Variants in MFSD8 observed in about 807,000 individuals in gnomAD.
MFSD8 encodes major facilitator superfamily domain-containing protein 8.
In MFSD8, 55 loss-of-function variants were observed where a neutral mutation model predicts 66.4. The ratio of observed to expected loss-of-function variants is 0.83; its 90% confidence interval spans 0.67 to 1.04. MFSD8 has a LOEUF of 1.04. MFSD8 is among the 50% of genes least tolerant of loss of function. The probability of loss-of-function intolerance (pLI) is 0.00; values close to 1 mark genes in which losing one functional copy is unlikely to be tolerated. For missense variants in MFSD8, 550 were observed against 627.6 expected (o/e 0.88, Z 1.32); for synonymous variants, 202 against 212.8 (o/e 0.95, Z 0.44).
rs796052749 is a variant in MFSD8 at position 127,943,900 on chromosome 4, C to T, written c.291G>A (p.Trp97Ter). 1 of 1,613,972 alleles carries T rather than the reference C, an allele frequency of 6.2e-7. No individual in the cohort carries two copies. Among genetic ancestry groups the T allele is most frequent in the African/African-American group, 1.3e-5 (1 of 74,892 alleles). ...QMVASPIFGL[W>*]SNYRPRKEPL... ...GCTCTTTTCTTGGTCTATAATTAGA[C>T]CATAAACCAAATATAGGTGAAGCTA... Residue 97 changes from tryptophan (W) to a stop codon, truncating the protein, a stop_gained, in exon 4 of 12, where the codon TGG (tryptophan) becomes TGA (stop). Transcript: ENST00000641686. LOFTEE classifies it high-confidence loss of function.
chr4:127,965,246 A>G (rs1460769738), upstream of MFSD8: 10 of 1,348,782 alleles, frequency 7.4e-6, no homozygotes, highest in African/African-American at 5.8e-5. Context: ...TGCGCACCTG[A>G]CGGTCAGACG....
Position 127,920,855 on chromosome 4 carries a change from A to G in MFSD8, c.1351-19T>C. 1 of 1,609,912 alleles carries G rather than the reference A, an allele frequency of 6.2e-7. No homozygotes were observed. On this transcript the variant is annotated intron_variant, in intron 11 of 11. Coordinates refer to ENST00000641686, the MANE Select transcript of MFSD8 (RefSeq NM_001371596.2). ...ATACACCCTGTTGGGGGTGAAATGG[A>G]GGACAAGCAGATTGATATTGGGGTT...
intron 2 of MFSD8, among the ~76,000 whole-genome samples, chr4:127,951,715 CTTCT>C (rs1741995977): frequency 6.6e-6 from 1 of 150,392 alleles, no homozygotes; most frequent in Non-Finnish European, 1.5e-5. Flanking sequence ...TTTGTCTTGT[CTTCT>C]TTCACTTAGT....
At chr4:127,923,710 G>A (rs1736739245) in intron 9 of MFSD8, among the ~76,000 whole-genome samples, 1 of 151,608 alleles carries the variant, frequency 6.6e-6, no homozygotes, top group African/African-American at 2.4e-5. Context: ...CTCCTGAGTA[G>A]CTGGGACTAC....
chr4:127,923,295 A>G (rs1736617346), intron 9 of MFSD8, among the ~76,000 whole-genome samples: 1 of 152,136 alleles, frequency 6.6e-6, no homozygotes, highest in Non-Finnish European at 1.5e-5. Context: ...ATTTTGAGAT[A>G]CGTTCCATCA....
intron 7 of MFSD8, among the ~76,000 whole-genome samples, chr4:127,934,186 G>C (rs1738636691): frequency 6.6e-6 from 1 of 152,254 alleles, no homozygotes; most frequent in Non-Finnish European, 1.5e-5. Context: ...AGGTTGCAGT[G>C]AGCCAAGATT....
intron 1 of MFSD8, among the ~76,000 whole-genome samples, chr4:127,961,913 G>A (rs1743839451): frequency 6.6e-6 from 1 of 152,028 alleles, no homozygotes; most frequent in Non-Finnish European, 1.5e-5. Context: ...TAACTAGTAG[G>A]AAAGACATTT....
intron 8 of MFSD8, 79 bp from the exon 9 acceptor site, chr4:127,930,896 A>ATACGT: frequency 1.6e-6 from 2 of 1,263,422 alleles, no homozygotes; most frequent in Non-Finnish European, 2.2e-6. Flanking sequence ...AGTTTTAATA[A>ATACGT]CGACATCTAC....
Position 127,920,261 on chromosome 4 carries a change from C to T in MFSD8, c.*369G>A, listed in dbSNP as rs534031511. 5 of 222,646 alleles carry T rather than the reference C, an allele frequency of 2.2e-5. No homozygotes were observed. The highest frequency in any genetic ancestry group is 6.7e-5 in the South Asian group (1 of 14,874). The allele number at this position is 222,646 out of a possible 1,614,324, so 13.8% of individuals were successfully genotyped here. A position where few individuals can be genotyped will look rare whatever the true frequency, so the allele number is the denominator to read the frequency against. ...TTTGTTCTGCTATGGCTAATTCTTA[C>T]AGAACCCTCTTTCTGGTTCCACTGT... On this transcript the variant is annotated 3_prime_UTR_variant, in exon 12 of 12. Coordinates refer to ENST00000641686, the MANE Select transcript of MFSD8 (RefSeq NM_001371596.2).
chr4:127,949,235 T>A (rs1741554350), intron 3 of MFSD8, among the ~76,000 whole-genome samples: 1 of 152,166 alleles, frequency 6.6e-6, no homozygotes, highest in Admixed American at 6.5e-5. Context: ...TTTAGTTAAG[T>A]TTCTTCCTGG....
chr4:127,945,173 T>G (rs926402215), intron 3 of MFSD8, among the ~76,000 whole-genome samples: 1 of 152,192 alleles, frequency 6.6e-6, no homozygotes, highest in Admixed American at 6.5e-5. Flanking sequence ...ATAGGAAGAT[T>G]CTATCTCTAA....
chr4:127,920,445 T>C lies in MFSD8; in HGVS notation c.*185A>G. 1.6e-6 allele frequency: 1 copy of C among 643,694 alleles called. No individual in the cohort carries two copies. The highest frequency in any genetic ancestry group is 2.8e-6 in the Non-Finnish European group (1 of 360,070). 39.9% of individuals were successfully genotyped at this position (643,694 alleles called of 1,614,324 possible). A position where few individuals can be genotyped will look rare whatever the true frequency, so the allele number is the denominator to read the frequency against. On this transcript the variant is annotated 3_prime_UTR_variant, in exon 12 of 12. Transcript: ENST00000641686. ...AGGAAATTATCATCTAGTATGTTTT[T>C]ATATAACCTACTATTCACAATGACA...
intron 3 of MFSD8, among the ~76,000 whole-genome samples, chr4:127,945,071 A>C (rs1740812444): frequency 6.6e-6 from 1 of 152,144 alleles, no homozygotes; most frequent in African/African-American, 2.4e-5. Context: ...TCAGCAGTCT[A>C]GAGTAGAAGG....
In MFSD8 at chr4:127,930,560, T is replaced by C. The variant is rs151258790; in HGVS notation, c.998+123A>G. 1,735 of 1,088,386 alleles carry C rather than the reference T, an allele frequency of 1.6e-3. 6 individuals are homozygous for C. Among genetic ancestry groups the C allele is most frequent in the Non-Finnish European group, 2.1e-3 (1,545 of 750,508 alleles). 67.4% of individuals were successfully genotyped at this position (1,088,386 alleles called of 1,614,324 possible). ...AGAAATATGATAATCTCTTAATAAATTGTAAATTTGTGTGCAAAAAAAAGC... is the reference window on the plus strand; with the variant it reads ...AGAAATATGATAATCTCTTAATAAACTGTAAATTTGTGTGCAAAAAAAAGC... On this transcript the variant is annotated intron_variant, in intron 9 of 11. Transcript: ENST00000641686.
chr4:127,962,252 G>A (rs1041816543), intron 1 of MFSD8, among the ~76,000 whole-genome samples: 1 of 152,138 alleles, frequency 6.6e-6, no homozygotes, highest in Non-Finnish European at 1.5e-5. Flanking sequence ...TGGATCACTT[G>A]AGGTCAGGAG....
At chr4:127,924,131 T>A (rs974055299) in intron 9 of MFSD8, among the ~76,000 whole-genome samples, 10 of 152,156 alleles carry the variant, frequency 6.6e-5, no homozygotes, top group African/African-American at 2.2e-4. Context: ...CTGGGCTTTT[T>A]TTGGTTGGTA....
At chr4:127,963,486 T>C (rs1310663070) in intron 1 of MFSD8, among the ~76,000 whole-genome samples, 1 of 152,166 alleles carries the variant, frequency 6.6e-6, no homozygotes, top group Non-Finnish European at 1.5e-5. Flanking sequence ...CTGGAGTTTG[T>C]TCCTTCTGAT....
intron 9 of MFSD8, among the ~76,000 whole-genome samples, chr4:127,922,893 G>A (rs1308225803): frequency 6.6e-6 from 1 of 152,046 alleles, no homozygotes; most frequent in Non-Finnish European, 1.5e-5. Context: ...ATGGATCTAT[G>A]GAATAATCAG....
intron 1 of MFSD8, among the ~76,000 whole-genome samples, chr4:127,964,403 G>A (rs1389323546): frequency 6.6e-6 from 1 of 152,232 alleles, no homozygotes; most frequent in Non-Finnish European, 1.5e-5. Flanking sequence ...GCTAAGGCCC[G>A]GCGAGAAATC....
Sources: allele counts gnomAD v4.1 joint callset (sites outside exome capture counted in the v4.1 genomes callset), GRCh38; gene constraint gnomAD v4.1.1; transcripts MANE v1.5; gene names NCBI Gene and HGNC (gene_info 2026-07-23, HGNC 2026-07-21).